MECOM: variants seen among roughly 807,000 people sequenced by gnomAD.
MECOM encodes the protein histone-lysine N-methyltransferase MECOM.
A neutral mutation model predicts 116.3 loss-of-function variants in MECOM; 13 were observed. The observed-to-expected ratio is 0.11, with a 90% CI of 0.07 to 0.18. MECOM has a LOEUF of 0.18. Ranked by LOEUF, MECOM falls within the 10% of genes least tolerant of loss-of-function variation. MECOM has a pLI of 1.00. For missense variants in MECOM, 1,299 were observed against 1,509.0 expected, an observed-to-expected ratio of 0.86 and a Z score of 2.31; for synonymous variants, 528 against 535.2, an observed-to-expected ratio of 0.99 and a Z score of 0.19.
At chr3:169,370,104 A>G (rs1197899873) in intron 2 of MECOM, among the ~76,000 whole-genome samples, 1 of 151,982 alleles carries the variant, frequency 6.6e-6, no homozygotes, top group Non-Finnish European at 1.5e-5. Flanking sequence ...TGCCCAAGCC[A>G]ACCTAAAGGG....
chr3:169,501,765 C>T (rs1754568791), intron 1 of MECOM, among the ~76,000 whole-genome samples: 1 of 152,040 alleles, frequency 6.6e-6, no homozygotes, highest in Admixed American at 6.6e-5. Flanking sequence ...TTCTCATCCT[C>T]AAGTAGAGAA....
intron 8 of MECOM, among the ~76,000 whole-genome samples, chr3:169,113,514 C>T (rs1026714618): frequency 6.6e-6 from 1 of 151,450 alleles, no homozygotes; most frequent in African/African-American, 2.4e-5. Context: ...AGAAGGCAGG[C>T]AGATAGAATG....
At chr3:169,487,086 A>G (rs1457400933) in intron 1 of MECOM, among the ~76,000 whole-genome samples, 1 of 151,742 alleles carries the variant, frequency 6.6e-6, no homozygotes, top group Non-Finnish European at 1.5e-5. Flanking sequence ...TATAGTCCAA[A>G]AACTAATTGA....
At chr3:169,466,136 CATCCGTT>C in intron 1 of MECOM, among the ~76,000 whole-genome samples, 1 of 152,288 alleles carries the variant, frequency 6.6e-6, no homozygotes, top group South Asian at 2.1e-4. Flanking sequence ...AATCCCTGGC[CATCCGTT>C]ACTATTGCTG....
intron 1 of MECOM, among the ~76,000 whole-genome samples, chr3:169,626,696 C>T (rs568485256): frequency 6.6e-6 from 1 of 152,326 alleles, no homozygotes; most frequent in Admixed American, 6.5e-5. Flanking sequence ...CACCTGGTTT[C>T]TAGGAACAGT....
chr3:169,568,560 G>A (rs977201838), intron 1 of MECOM, among the ~76,000 whole-genome samples: 5 of 152,154 alleles, frequency 3.3e-5, no homozygotes, highest in Non-Finnish European at 5.9e-5. Context: ...TACTGAGGCT[G>A]GAGTAGGAAG....
chr3:169,162,400 T>C (rs1742979045), intron 2 of MECOM, among the ~76,000 whole-genome samples: 1 of 152,216 alleles, frequency 6.6e-6, no homozygotes, highest in Non-Finnish European at 1.5e-5. Context: ...TACAAGACTG[T>C]ACGTCATTAA....
intron 1 of MECOM, among the ~76,000 whole-genome samples, chr3:169,553,925 CAT>C: frequency 6.7e-6 from 1 of 149,202 alleles, no homozygotes. Flanking sequence ...CAAATACAGT[CAT>C]ATTCTGAGAG....
intron 1 of MECOM, among the ~76,000 whole-genome samples, chr3:169,539,712 A>C (rs1759839722): frequency 6.6e-6 from 1 of 152,150 alleles, no homozygotes; most frequent in South Asian, 2.1e-4. Context: ...AGCCAGAGTA[A>C]TCTTTTAAAA....
At chr3:169,247,622 G>T (rs1755760745) in intron 2 of MECOM, among the ~76,000 whole-genome samples, 3 of 152,088 alleles carry the variant, frequency 2.0e-5, no homozygotes, top group Non-Finnish European at 1.5e-5. Context: ...TTTTATTCAA[G>T]GATTAATAAA....
intron 1 of MECOM, among the ~76,000 whole-genome samples, chr3:169,431,133 A>G (rs1741553602): frequency 6.6e-6 from 1 of 152,214 alleles, no homozygotes; most frequent in Non-Finnish European, 1.5e-5. Context: ...TTGCTAATAA[A>G]AAGATAAGAT....
intron 3 of MECOM, chr3:169,133,930 T>C (rs1478188828): frequency 9.3e-6 from 12 of 1,289,656 alleles, no homozygotes; most frequent in Non-Finnish European, 1.2e-5. Flanking sequence ...TTGGCATCTC[T>C]CAAAGGTTTA....
chr3:169,570,555 A>C (rs751558090), intron 1 of MECOM, among the ~76,000 whole-genome samples: 7 of 152,216 alleles, frequency 4.6e-5, no homozygotes, highest in Non-Finnish European at 1.0e-4. Flanking sequence ...ATTTCAGGCC[A>C]ATATCCCTGA....
intron 1 of MECOM, among the ~76,000 whole-genome samples, chr3:169,399,229 G>A (rs540962109): frequency 3.9e-5 from 6 of 152,076 alleles, no homozygotes; most frequent in East Asian, 1.9e-4. Flanking sequence ...CAACTTTTAC[G>A]CACATGTACC....
At chr3:169,211,595 C>T (rs1252585502) in intron 2 of MECOM, among the ~76,000 whole-genome samples, 1 of 152,150 alleles carries the variant, frequency 6.6e-6, no homozygotes, top group Non-Finnish European at 1.5e-5. Flanking sequence ...TTCTAATTTG[C>T]TTCCTATTTC....
At chr3:169,189,155 A>G (rs1220680444) in intron 2 of MECOM, among the ~76,000 whole-genome samples, 3 of 152,094 alleles carry the variant, frequency 2.0e-5, no homozygotes, top group African/African-American at 7.2e-5. Flanking sequence ...TGCCTTATAG[A>G]TCATTAAGAC....
intron 1 of MECOM, among the ~76,000 whole-genome samples, chr3:169,583,217 G>A (rs1485638055): frequency 6.6e-6 from 1 of 152,202 alleles, no homozygotes; most frequent in Admixed American, 6.5e-5. Context: ...TGAGCAGGCA[G>A]AGTAGTAATA....
At chr3:169,549,289 A>G (rs1252647015) in intron 1 of MECOM, among the ~76,000 whole-genome samples, 2 of 152,080 alleles carry the variant, frequency 1.3e-5, no homozygotes, top group African/African-American at 2.4e-5. Context: ...GTCTCTGTAT[A>G]ACTTCCCACT....
intron 1 of MECOM, among the ~76,000 whole-genome samples, chr3:169,580,949 C>G (rs1765058832): frequency 6.6e-6 from 1 of 152,146 alleles, no homozygotes. Flanking sequence ...TGTAACCAGC[C>G]AAATATTGTG....
Sources: allele counts gnomAD v4.1 joint callset (sites outside exome capture counted in the v4.1 genomes callset), GRCh38; gene constraint gnomAD v4.1.1; transcripts MANE v1.5; gene names NCBI Gene and HGNC (gene_info 2026-07-23, HGNC 2026-07-21).